The following PHOX2A variants were observed in gnomAD, a reference collection of about 807,000 sequenced individuals.
PHOX2A encodes the protein paired mesoderm homeobox protein 2A.
A neutral mutation model predicts 16.4 loss-of-function variants in PHOX2A; 10 were observed. The observed-to-expected ratio is 0.61, with a 90% CI of 0.38 to 1.04. PHOX2A has a LOEUF of 1.04. Ranked by LOEUF, PHOX2A falls within the 50% of genes least tolerant of loss-of-function variation. The pLI is 0.01. For synonymous variants in PHOX2A, 219 were observed against 203.8 expected (o/e 1.07, Z -0.64); for missense variants, 361 against 419.4 (o/e 0.86, Z 1.22).
chr11:72,239,933 G>T lies in PHOX2A; in HGVS notation c.671C>A (p.Pro224Gln). Residue 224 changes from proline (P) to glutamine (Q), a missense_variant, in exon 3 of 3, where the codon CCA (proline) becomes CAA (glutamine). Physicochemically the swap from Pro to Gln is moderately conservative, Grantham distance 76. Around this residue, in one of 3 missense-constraint regions of PHOX2A, gnomAD observed 55 missense variants for 101.6 expected, o/e 0.54. Transcript: ENST00000298231. The stretch of plus-strand genomic sequence containing the variant: ...CCACAGTGCGCCCTTGAGCGGCTGT[G>T]GCCCCGGCCCAGGTCCCGGCCCGGA... ...LGSGPGPGPGPQPLKGALWAG... is the reference protein window; with the variant it reads ...LGSGPGPGPGQQPLKGALWAG... 7.7e-7 allele frequency: 1 copy of T among 1,300,514 alleles called. No individual in the cohort carries two copies. Among genetic ancestry groups the T allele is most frequent in the Non-Finnish European group, 9.8e-7 (1 of 1,023,506 alleles). The allele number at this position is 1,300,514 out of a possible 1,614,324, so 80.6% of individuals were successfully genotyped here. A position where few individuals can be genotyped will look rare whatever the true frequency, so the allele number is the denominator to read the frequency against.
At position 72,239,817 on chromosome 11, in the gene PHOX2A, GC is replaced by G; in HGVS notation, c.786del (p.Phe264SerfsTer16). ...KAWQPAESGPGPFSGVLSSFH... is the reference protein window; with the variant it reads ...KAWQPAESGPXPFSGVLSSFH... ...AAGGAGGACAGAACCCCGGAGAAGG[GC>G]CCGGGGCCGGACTCCGCCGGCTGCC... On this transcript the variant is annotated frameshift_variant, in exon 3 of 3. Coordinates refer to ENST00000298231, the MANE Select transcript of PHOX2A (RefSeq NM_005169.4). LOFTEE classifies it high-confidence loss of function. 7.3e-7 allele frequency: 1 copy of G among 1,364,608 alleles called. No individual in the cohort carries two copies. Among genetic ancestry groups the G allele is most frequent in the Non-Finnish European group, 9.5e-7 (1 of 1,049,400 alleles). The allele number at this position is 1,364,608 out of a possible 1,614,324, so 84.5% of individuals were successfully genotyped here.
intron 1 of PHOX2A, 57 bp from the exon 2 acceptor site, chr11:72,241,346 G>C: frequency 9.2e-7 from 1 of 1,089,064 alleles, no homozygotes; most frequent in East Asian, 2.6e-5. Context: ...GGAGTGAGAA[G>C]CAGAGTTCAA....
intron 1 of PHOX2A, among the ~76,000 whole-genome samples, chr11:72,241,811 A>G (rs1346034303): frequency 6.6e-6 from 1 of 150,460 alleles, no homozygotes; most frequent in Non-Finnish European, 1.5e-5. Context: ...CAGCCCTACC[A>G]CCAGCCTTCC....
chr11:72,241,393 C>T, intron 1 of PHOX2A, 104 bp from the exon 2 acceptor site: 1 of 718,260 alleles, frequency 1.4e-6, no homozygotes, highest in Non-Finnish European at 2.3e-6. Flanking sequence ...CACACGCCTC[C>T]CCCGTCCCTG....
rs894148068 is a variant in PHOX2A at position 72,239,511 on chromosome 11, T to A, written c.*238A>T. ...GGCCAAGCTAGAAGGAGCTCCGGGG[T>A]TCTCCTGGAGGAGGTCCCGGTATAA... On this transcript the variant is annotated 3_prime_UTR_variant, in exon 3 of 3. Coordinates refer to ENST00000298231, the MANE Select transcript of PHOX2A (RefSeq NM_005169.4). The A allele has an allele frequency of 1.3e-5, 5 of 384,172 alleles. No individual in the cohort carries two copies. The highest frequency in any genetic ancestry group is 2.3e-5 in the Non-Finnish European group (5 of 217,454). The allele number at this position is 384,172 out of a possible 1,614,324, so 23.8% of individuals were successfully genotyped here. A position where few individuals can be genotyped will look rare whatever the true frequency, so the allele number is the denominator to read the frequency against.
chr11:72,244,012 G>C lies in PHOX2A; in HGVS notation c.-8C>G. 3.2e-6 allele frequency: 4 copies of C among 1,234,328 alleles called. No individual in the cohort carries two copies. The highest frequency in any genetic ancestry group is 4.1e-6 in the Non-Finnish European group (4 of 971,720). 76.5% of individuals were successfully genotyped at this position (1,234,328 alleles called of 1,614,324 possible). On this transcript the variant is annotated 5_prime_UTR_variant, in exon 1 of 3. Coordinates refer to ENST00000298231, the MANE Select transcript of PHOX2A (RefSeq NM_005169.4). ...GAGGTAGGAGTAGTCCATCGGCCCG[G>C]GGGGCGGGGGCGGGGGCCGGGCCAG...
At position 72,240,648 on chromosome 11, in the gene PHOX2A, T is replaced by C. The variant is rs149822880; in HGVS notation, c.406-450A>G. Among the ~76,000 whole-genome samples the C allele has an allele frequency of 2.3e-4, 35 of 152,336 alleles. No homozygotes were observed. The East Asian group carries it at 6.0e-3, about 26-fold the overall frequency. ...ACATCTGTACACGGAGTTGTACAAA[T>C]AGACAACAGTCTGCTCTAGCCCGGC... is the stretch of plus-strand genomic sequence containing the variant. On this transcript the variant is annotated intron_variant, in intron 2 of 2. Coordinates refer to ENST00000298231, the MANE Select transcript of PHOX2A (RefSeq NM_005169.4).
At chr11:72,241,310 G>A (rs1429889603) in intron 1 of PHOX2A, 21 bp from the exon 2 acceptor site, 2 of 1,191,854 alleles carry the variant, frequency 1.7e-6, no homozygotes, top group Non-Finnish European at 2.3e-6. Flanking sequence ...GTGCAGGGGG[G>A]CCGGGGGGGG....
rs1471742598 is a variant in PHOX2A at position 72,243,916 on chromosome 11, G to C, written c.89C>G (p.Pro30Arg). The C allele has an allele frequency of 1.5e-6, 2 of 1,301,910 alleles. No individual in the cohort carries two copies. The allele number at this position is 1,301,910 out of a possible 1,614,324, so 80.6% of individuals were successfully genotyped here. A position where few individuals can be genotyped will look rare whatever the true frequency, so the allele number is the denominator to read the frequency against. The change falls in exon 1 of 3, where the codon CCC becomes CGC. Residue 30 changes from proline (P) to arginine (R), a missense_variant. Coordinates refer to ENST00000298231, the MANE Select transcript of PHOX2A (RefSeq NM_005169.4). Reference protein sequence around the residue: ...AYGDFGACSQPGGFQYSPLRP... With the variant: ...AYGDFGACSQRGGFQYSPLRP... Reference sequence around the variant, plus strand: ...CAGGGGGCTGTATTGGAAGCCGCCGGGCTGGCTGCAGGCGCCAAAGTCGCC... The same window carrying C: ...CAGGGGGCTGTATTGGAAGCCGCCGCGCTGGCTGCAGGCGCCAAAGTCGCC...
At position 72,239,474 on chromosome 11, in the gene PHOX2A, G is replaced by A; in HGVS notation, c.*275C>T. On this transcript the variant is annotated 3_prime_UTR_variant, in exon 3 of 3. Coordinates refer to ENST00000298231, the MANE Select transcript of PHOX2A (RefSeq NM_005169.4). ...TTAGGGACAGGCCTCATGTGATACC[G>A]CATCCAAAGAAGGCCAAGCTAGAAG... 3.0e-6 allele frequency: 1 copy of A among 336,822 alleles called. No individual in the cohort carries two copies. Among genetic ancestry groups the A allele is most frequent in the Non-Finnish European group, 5.4e-6 (1 of 186,904 alleles). The allele number at this position is 336,822 out of a possible 1,614,324, so 20.9% of individuals were successfully genotyped here. A position where few individuals can be genotyped will look rare whatever the true frequency, so the allele number is the denominator to read the frequency against.
chr11:72,243,545 T>G (rs1246397840), intron 1 of PHOX2A, among the ~76,000 whole-genome samples: 1 of 152,040 alleles, frequency 6.6e-6, no homozygotes. Context: ...TGGGGATATA[T>G]TTCCTTGACC....
At position 72,241,098 on chromosome 11, in the gene PHOX2A, G is replaced by A. The variant is rs767901521; in HGVS notation, c.405+4C>T. The A allele has an allele frequency of 6.2e-7, 1 of 1,613,584 alleles. No homozygotes were observed. Among genetic ancestry groups the A allele is most frequent in the Non-Finnish European group, 8.5e-7 (1 of 1,179,842 alleles). On this transcript the variant is annotated splice_donor_region_variant and intron_variant, in intron 2 of 2. Coordinates refer to ENST00000298231, the MANE Select transcript of PHOX2A (RefSeq NM_005169.4). ...CTCTCGTACACACACGTGCATACAC[G>A]CACCTGCACGCGAGCCTCAGTGAGG... is the stretch of plus-strand genomic sequence containing the variant.
chr11:72,240,268 G>A lies in PHOX2A; in HGVS notation c.406-70C>T, dbSNP rs117423657. ...GCACGGGGTCAGCCCGCGGCCGCAA[G>A]GCTCGAGTGAGATCCTGGTTCGGAA... On this transcript the variant is annotated intron_variant, in intron 2 of 2. Coordinates refer to ENST00000298231, the MANE Select transcript of PHOX2A (RefSeq NM_005169.4). The A allele has an allele frequency of 5.2e-3, 7,851 of 1,513,500 alleles. 138 individuals carry two copies. The East Asian group carries it at 0.066, about 13-fold the overall frequency. The allele number at this position is 1,513,500 out of a possible 1,614,324, so 93.8% of individuals were successfully genotyped here. A position where few individuals can be genotyped will look rare whatever the true frequency, so the allele number is the denominator to read the frequency against.
At position 72,239,907 on chromosome 11, in the gene PHOX2A, C is replaced by T. The variant is rs760780805; in HGVS notation, c.697G>A (p.Ala233Thr). The change falls in exon 3 of 3, where the codon GCC (alanine) becomes ACC (threonine). Residue 233 changes from alanine (A) to threonine (T), a missense_variant. This residue lies in a region of PHOX2A where 55 missense variants were observed against 101.6 expected (regional missense o/e 0.54). Transcript: ENST00000298231. ...CCGCCCCCACCGCCCGCCACACCGG[C>T]CCACAGTGCGCCCTTGAGCGGCTGT... is the stretch of plus-strand genomic sequence containing the variant. ...GPQPLKGALW[A>T]GVAGGGGGGP... is the part of the protein sequence containing the mutation. The T allele has an allele frequency of 1.5e-6, 2 of 1,343,592 alleles. No individual in the cohort carries two copies. Among genetic ancestry groups the T allele is most frequent in the East Asian group, 6.2e-5 (2 of 32,422 alleles). 83.2% of individuals were successfully genotyped at this position (1,343,592 alleles called of 1,614,324 possible).
At position 72,239,675 on chromosome 11, in the gene PHOX2A, T is replaced by C. The variant is rs1013199325; in HGVS notation, c.*74A>G. ...GGGACTTCCAGGCGGGTGGCCAGGA[T>C]GGGAGGGGCTGTCAGGTCCTGGAGG... On this transcript the variant is annotated 3_prime_UTR_variant, in exon 3 of 3. Coordinates refer to ENST00000298231, the MANE Select transcript of PHOX2A (RefSeq NM_005169.4). The C allele has an allele frequency of 2.6e-6, 3 of 1,150,786 alleles. No individual in the cohort carries two copies. The highest frequency in any genetic ancestry group is 3.1e-5 in the East Asian group (1 of 32,592). The allele number at this position is 1,150,786 out of a possible 1,614,324, so 71.3% of individuals were successfully genotyped here. A position where few individuals can be genotyped will look rare whatever the true frequency, so the allele number is the denominator to read the frequency against.
intron 1 of PHOX2A, among the ~76,000 whole-genome samples, chr11:72,243,500 T>G (rs1223288217): frequency 6.6e-6 from 1 of 151,730 alleles, no homozygotes; most frequent in Non-Finnish European, 1.5e-5. Flanking sequence ...TTGCAGGTGG[T>G]GAGGGGAAGG....
intron 2 of PHOX2A, 148 bp from the exon 3 acceptor site, chr11:72,240,346 C>T (rs1176993261): frequency 9.1e-7 from 1 of 1,094,730 alleles, no homozygotes. Flanking sequence ...CCTCCGCACG[C>T]AGCCCGCTGC....
Position 72,240,141 on chromosome 11 carries a change from T to C in PHOX2A, c.463A>G (p.Lys155Glu), listed in dbSNP as rs926105577. 1.3e-6 allele frequency: 2 copies of C among 1,534,252 alleles called. No individual in the cohort carries two copies. The highest frequency in any genetic ancestry group is 1.7e-6 in the Non-Finnish European group (2 of 1,144,952). ...FRKQERAASAKGAAGAAGAKK... is the reference protein window; with the variant it reads ...FRKQERAASAEGAAGAAGAKK... ...GCGCCCGCCGCGCCCGCCGCGCCCT[T>C]GGCGCTGGCCGCGCGCTCCTGTTTG... The change falls in exon 3 of 3, where the codon AAG becomes GAG. Residue 155 changes from lysine to glutamate, a missense_variant. Coordinates refer to ENST00000298231, the MANE Select transcript of PHOX2A (RefSeq NM_005169.4).
Position 72,244,049 on chromosome 11 carries a change from G to C in PHOX2A, c.-45C>G, listed in dbSNP as rs1949143686. 1.0e-6 allele frequency: 1 copy of C among 1,000,624 alleles called. No individual in the cohort carries two copies. Among genetic ancestry groups the C allele is most frequent in the African/African-American group, 1.7e-5 (1 of 59,696 alleles). The allele number at this position is 1,000,624 out of a possible 1,614,324, so 62.0% of individuals were successfully genotyped here. A position where few individuals can be genotyped will look rare whatever the true frequency, so the allele number is the denominator to read the frequency against. The stretch of plus-strand genomic sequence containing the variant: ...GGGGGCCGGGCCAGGCCGGGTCGGG[G>C]TCGGGGTCCGGGTGGAGGTCGGAAG... On this transcript the variant is annotated 5_prime_UTR_variant, in exon 1 of 3. Coordinates refer to ENST00000298231, the MANE Select transcript of PHOX2A (RefSeq NM_005169.4).
Sources: gnomAD v4.1 joint callset for allele counts (sites outside exome capture counted in the v4.1 genomes callset) on GRCh38, gnomAD v4.1.1 for gene constraint, gnomAD v4.1.1 regional missense constraint, MANE v1.5 for transcripts, NCBI Gene and HGNC (gene_info 2026-07-23, HGNC 2026-07-21) for gene names.